Variants in ASIC2 observed in about 807,000 individuals in gnomAD.
The protein encoded by ASIC2 is acid sensing ion channel subunit 2, also known as acid-sensing ion channel 2.
A neutral mutation model predicts 57.3 loss-of-function variants in ASIC2; 25 were observed. The ratio of observed to expected loss-of-function variants is 0.44; its 90% CI spans 0.32 to 0.61. ASIC2 has a LOEUF of 0.61. Among genes scored for constraint, ASIC2 ranks in the 20% least tolerant of loss-of-function variants. The probability of loss-of-function intolerance (pLI) is 0.06; values close to 1 mark genes in which losing one functional copy is unlikely to be tolerated. For synonymous variants in ASIC2, 319 were observed against 307.5 expected, an observed-to-expected ratio of 1.04 and a Z score of -0.39; for missense variants, 641 against 738.1, an observed-to-expected ratio of 0.87 and a Z score of 1.52.
In ASIC2 at chr17:33,625,181, TTATC is replaced by T. The variant is rs963822908; in HGVS notation, c.556-513118_556-513115del. Among the ~76,000 whole-genome samples the T allele has an allele frequency of 1.4e-4, 20 of 144,156 alleles. No homozygotes were observed. The South Asian group carries it at 1.6e-3, about 12-fold the overall frequency. The allele number at this position is 144,156 out of a possible 152,430, so 94.6% of individuals were successfully genotyped here. ...TATCTATCTATCTATCTATCATCTA[TTATC>T]TATCTATTATCTGTCATCTATCTAT... On this transcript the variant is annotated intron_variant, in intron 1 of 9. Coordinates refer to the ASIC2 transcript ENST00000359872.
chr17:33,494,695 C>T (rs1913872311), intron 1 of ASIC2, among the ~76,000 whole-genome samples: 1 of 152,090 alleles, frequency 6.6e-6, no homozygotes, highest in Non-Finnish European at 1.5e-5. Context: ...ACAGGACTTC[C>T]CTGAAAACTT....
chr17:33,090,606 A>G (rs1454955279), intron 2 of ASIC2, among the ~76,000 whole-genome samples: 1 of 150,812 alleles, frequency 6.6e-6, no homozygotes, highest in Non-Finnish European at 1.5e-5. Flanking sequence ...TCAGGGATGG[A>G]GAGGGGGAGG....
At chr17:33,861,050 C>T (rs762182933) in intron 1 of ASIC2, among the ~76,000 whole-genome samples, 1 of 152,140 alleles carries the variant, frequency 6.6e-6, no homozygotes, top group Admixed American at 6.5e-5. Flanking sequence ...AGTCTGAAAA[C>T]TATTCTTTTT....
intron 1 of ASIC2, among the ~76,000 whole-genome samples, chr17:33,741,735 A>C (rs993500562): frequency 6.6e-6 from 1 of 152,322 alleles, no homozygotes; most frequent in Admixed American, 6.5e-5. Flanking sequence ...ACTCAGACAT[A>C]ATCACCATGA....
chr17:33,660,006 C>T lies in ASIC2; in HGVS notation c.555+495972G>A, dbSNP rs1018190673. ...GGCTGAGGCAGGAGGATTGCTTGAACCCGGGAGGAGGAGGTTGCAGTGATC... is the reference window on the plus strand; with the variant it reads ...GGCTGAGGCAGGAGGATTGCTTGAATCCGGGAGGAGGAGGTTGCAGTGATC... On this transcript the variant is annotated intron_variant, in intron 1 of 9. Transcript: ENST00000359872. 2.6e-5 allele frequency among the ~76,000 whole-genome samples: 4 copies of T among 152,104 alleles called. No individual in the cohort carries two copies. In the South Asian group the frequency reaches 8.3e-4, roughly 32 times the overall value.
intron 1 of ASIC2, among the ~76,000 whole-genome samples, chr17:33,404,955 C>T (rs1031209160): frequency 2.0e-5 from 3 of 151,696 alleles, no homozygotes; most frequent in African/African-American, 7.3e-5. Context: ...ACTTGAATGA[C>T]TTATTTGATA....
chr17:34,097,021 C>T (rs1161855932), intron 1 of ASIC2, among the ~76,000 whole-genome samples: 2 of 151,940 alleles, frequency 1.3e-5, no homozygotes, highest in South Asian at 2.1e-4. Flanking sequence ...GAAGCTCATA[C>T]AAGATGAGGC....
At chr17:34,059,658 C>T (rs898682075) in intron 1 of ASIC2, among the ~76,000 whole-genome samples, 40 of 152,282 alleles carry the variant, frequency 2.6e-4, no homozygotes, top group Admixed American at 4.6e-4. Flanking sequence ...GGGAGGGGCA[C>T]GGTGAGAATG....
At chr17:33,950,933 A>T (rs1904541553) in intron 1 of ASIC2, among the ~76,000 whole-genome samples, 2 of 152,210 alleles carry the variant, frequency 1.3e-5, no homozygotes, top group African/African-American at 4.8e-5. Flanking sequence ...CTGTCAGTTA[A>T]CAAATTGATC....
chr17:33,231,895 C>T (rs961488066), intron 1 of ASIC2, among the ~76,000 whole-genome samples: 3 of 152,124 alleles, frequency 2.0e-5, no homozygotes, highest in Non-Finnish European at 4.4e-5. Context: ...GGAGCCTGTC[C>T]TCTCCTTTAT....
intron 1 of ASIC2, among the ~76,000 whole-genome samples, chr17:33,625,198 G>T (rs183784985): frequency 1.3e-5 from 2 of 148,180 alleles, no homozygotes; most frequent in Non-Finnish European, 1.5e-5. Flanking sequence ...TCTATTATCT[G>T]TCATCTATCT....
intron 1 of ASIC2, among the ~76,000 whole-genome samples, chr17:34,124,776 C>T (rs1911728067): frequency 6.6e-6 from 1 of 152,064 alleles, no homozygotes; most frequent in African/African-American, 2.4e-5. Context: ...TCTCTAGCCC[C>T]TCTTCCTGTA....
rs59795328 is a variant in ASIC2 at position 33,639,050 on chromosome 17, G to T, written c.555+516928C>A. ...CAAAGAATGAAGAGAGGTTGTCACC[G>T]GTGTCTAATGAGTGATATAAAGGTG... On this transcript the variant is annotated intron_variant, in intron 1 of 9. Coordinates refer to the ASIC2 transcript ENST00000359872. 5.4e-3 allele frequency among the ~76,000 whole-genome samples: 825 copies of T among 151,674 alleles called. 10 individuals are homozygous for T. The highest frequency in any genetic ancestry group is 0.017 in the African/African-American group (721 of 41,302).
chr17:33,462,025 T>C (rs1394384), intron 1 of ASIC2, among the ~76,000 whole-genome samples: 123,408 of 152,196 alleles, frequency 0.81, 50,496 homozygotes, highest in African/African-American at 0.92. Flanking sequence ...CTGGAGCTTG[T>C]ACTTTAGTGG....
chr17:33,122,964 G>T (rs2092308817), intron 1 of ASIC2, among the ~76,000 whole-genome samples: 1 of 152,112 alleles, frequency 6.6e-6, no homozygotes, highest in Non-Finnish European at 1.5e-5. Flanking sequence ...CTGTTACAGT[G>T]GCCACTACCG....
chr17:33,584,930 G>C (rs1261422387), intron 1 of ASIC2, among the ~76,000 whole-genome samples: 1 of 152,110 alleles, frequency 6.6e-6, no homozygotes. Context: ...GGATGATGGG[G>C]GATGGAGGGA....
At chr17:33,846,710 A>C (rs1913615208) in intron 1 of ASIC2, among the ~76,000 whole-genome samples, 1 of 151,954 alleles carries the variant, frequency 6.6e-6, no homozygotes, top group South Asian at 2.1e-4. Context: ...TGAGCAGCTA[A>C]GATTCTCAGT....
At chr17:33,460,050 T>G (rs1454296473) in intron 1 of ASIC2, among the ~76,000 whole-genome samples, 1 of 152,212 alleles carries the variant, frequency 6.6e-6, no homozygotes, top group Non-Finnish European at 1.5e-5. Context: ...ATTTGTGTGT[T>G]TGACAAACTA....
intron 1 of ASIC2, among the ~76,000 whole-genome samples, chr17:33,750,147 G>T (rs1910384203): frequency 6.6e-6 from 1 of 152,178 alleles, no homozygotes; most frequent in South Asian, 2.1e-4. Context: ...GGTGTGCAGG[G>T]TCCCTGAGGG....
Sources: gnomAD v4.1 joint callset for allele counts (sites outside exome capture counted in the v4.1 genomes callset) on GRCh38, gnomAD v4.1.1 for gene constraint, MANE v1.5 for transcripts, NCBI Gene and HGNC (gene_info 2026-07-23, HGNC 2026-07-21) for gene names.